The following ADAMTSL1 variants were observed in gnomAD, a reference collection of about 807,000 sequenced individuals.
The protein encoded by ADAMTSL1 is ADAMTS-like protein 1.
Under a neutral mutation model 201.8 loss-of-function variants are expected in ADAMTSL1, and 126 were observed. The ratio of observed to expected loss-of-function variants is 0.62; its 90% CI spans 0.54 to 0.72. ADAMTSL1 has a LOEUF of 0.72. ADAMTSL1 is among the 30% of genes least tolerant of loss of function. The pLI is 0.00. For synonymous variants in ADAMTSL1, 1,121 were observed against 903.4 expected, an observed-to-expected ratio of 1.24 and a Z score of -4.32; for missense variants, 2,679 against 2,277.8, an observed-to-expected ratio of 1.18 and a Z score of -3.59.
chr9:18,536,418 A>C (rs1052169488), intron 3 of ADAMTSL1, among the ~76,000 whole-genome samples: 1 of 149,020 alleles, frequency 6.7e-6, no homozygotes, highest in Non-Finnish European at 1.5e-5. Flanking sequence ...TAATATGAGG[A>C]GTAGAAAACA....
chr9:17,931,927 T>C (rs542337891), intron 1 of ADAMTSL1, among the ~76,000 whole-genome samples: 18 of 152,290 alleles, frequency 1.2e-4, no homozygotes, highest in African/African-American at 3.6e-4. Flanking sequence ...CATCTTCCCC[T>C]GTGTATTTTC....
At chr9:18,851,739 G>C (rs181172539) in intron 23 of ADAMTSL1, among the ~76,000 whole-genome samples, 1 of 152,188 alleles carries the variant, frequency 6.6e-6, no homozygotes, top group African/African-American at 2.4e-5. Flanking sequence ...GAAGGGCCAC[G>C]TGTATAGTGT....
At chr9:18,618,998 A>G (rs1348253436) in intron 4 of ADAMTSL1, among the ~76,000 whole-genome samples, 1 of 152,314 alleles carries the variant, frequency 6.6e-6, no homozygotes, top group East Asian at 1.9e-4. Flanking sequence ...ATACAGCAAT[A>G]AGGCAGTTAC....
chr9:18,338,503 G>T (rs1395409528), intron 2 of ADAMTSL1, among the ~76,000 whole-genome samples: 2 of 152,120 alleles, frequency 1.3e-5, no homozygotes, highest in Admixed American at 1.3e-4. Flanking sequence ...TTAGAGTGTG[G>T]TGGCATAATC....
intron 23 of ADAMTSL1, among the ~76,000 whole-genome samples, chr9:18,844,006 T>C (rs931121680): frequency 1.3e-5 from 2 of 152,244 alleles, no homozygotes; most frequent in Non-Finnish European, 2.9e-5. Flanking sequence ...CGGAGTAGTT[T>C]GATCGTCTGA....
At chr9:18,831,485 G>A (rs1824972246) in intron 23 of ADAMTSL1, among the ~76,000 whole-genome samples, 1 of 152,124 alleles carries the variant, frequency 6.6e-6, no homozygotes, top group African/African-American at 2.4e-5. Flanking sequence ...TTAGCATGCT[G>A]GAAAAGTTAG....
intron 23 of ADAMTSL1, among the ~76,000 whole-genome samples, chr9:18,844,453 G>T (rs574995058): frequency 2.0e-5 from 3 of 152,194 alleles, no homozygotes; most frequent in East Asian, 1.9e-4. Flanking sequence ...CTACTGGGGG[G>T]TGCCTCCCAG....
Position 18,832,467 on chromosome 9 carries a change from A to G in ADAMTSL1, c.4249+2490A>G, listed in dbSNP as rs145937827. ...GGGAACAAATCTTTCGAGGGTTTTT[A>G]AATAGGAGAATGACATACTAAAAGT... On this transcript the variant is annotated intron_variant, in intron 23 of 28. Coordinates refer to ENST00000380548, the MANE Select transcript of ADAMTSL1 (RefSeq NM_001040272.6). Among the ~76,000 whole-genome samples, 7 of 152,344 alleles carry G rather than the reference A, an allele frequency of 4.6e-5. No homozygotes were observed. In the East Asian group the frequency reaches 1.3e-3, roughly 29 times the overall value.
At chr9:18,728,889 C>A (rs926997983) in intron 15 of ADAMTSL1, among the ~76,000 whole-genome samples, 3 of 152,164 alleles carry the variant, frequency 2.0e-5, no homozygotes, top group Non-Finnish European at 4.4e-5. Context: ...GGATATTAGC[C>A]AGGGGTGTGG....
intron 5 of ADAMTSL1, among the ~76,000 whole-genome samples, chr9:18,629,392 G>T (rs1441444131): frequency 6.6e-6 from 1 of 152,050 alleles, no homozygotes; most frequent in East Asian, 1.9e-4. Flanking sequence ...TTTTATAAAT[G>T]CCCTTTATCA....
At chr9:18,602,470 A>T (rs532725552) in intron 4 of ADAMTSL1, among the ~76,000 whole-genome samples, 3 of 152,332 alleles carry the variant, frequency 2.0e-5, no homozygotes, top group African/African-American at 7.2e-5. Context: ...CAGTACCAGC[A>T]CTGGAATCAG....
chr9:18,353,723 C>T (rs2133040374), intron 2 of ADAMTSL1, among the ~76,000 whole-genome samples: 1 of 152,222 alleles, frequency 6.6e-6, no homozygotes, highest in Non-Finnish European at 1.5e-5. Flanking sequence ...ATAGTCATAT[C>T]TTCTGTTTTC....
intron 9 of ADAMTSL1, among the ~76,000 whole-genome samples, chr9:18,671,105 AT>A (rs1015468166): frequency 2.6e-5 from 4 of 152,100 alleles, no homozygotes; most frequent in African/African-American, 4.8e-5. Flanking sequence ...GCAACTATCC[AT>A]TTTTTTTCTT....
At position 18,795,480 on chromosome 9, in the gene ADAMTSL1, A is replaced by G. The variant is rs749728416; in HGVS notation, c.3761A>G (p.Asn1254Ser). The G allele has an allele frequency of 4.3e-5, 70 of 1,613,718 alleles. No homozygotes were observed. Among genetic ancestry groups the G allele is most frequent in the Non-Finnish European group, 3.9e-5 (46 of 1,179,840 alleles). ...GGTTTCTACACTTGCAATGCCACCA[A>G]TGCCTTGGGATACGACTCTGTCTCC... ...DVGFYTCNAT[N>S]ALGYDSVSIA... The change falls in exon 20 of 29, where the codon AAT becomes AGT. Residue 1254 changes from asparagine (N) to serine (S), a missense_variant. By Grantham distance (46) the Asn-to-Ser change is conservative. Transcript: ENST00000380548.
intron 15 of ADAMTSL1, among the ~76,000 whole-genome samples, chr9:18,728,081 A>AAAATAAAT (rs61237330): frequency 8.6e-4 from 124 of 144,074 alleles, no homozygotes; most frequent in East Asian, 2.7e-3. Context: ...CTCTGTCTCA[A>AAAATAAAT]AAATAAATAA....
intron 1 of ADAMTSL1, among the ~76,000 whole-genome samples, chr9:17,926,991 T>C (rs1018260974): frequency 6.6e-6 from 1 of 152,210 alleles, no homozygotes; most frequent in Non-Finnish European, 1.5e-5. Flanking sequence ...CAACCATCAT[T>C]ACCATCCGTC....
At chr9:18,245,336 C>A (rs1831218600) in intron 2 of ADAMTSL1, among the ~76,000 whole-genome samples, 1 of 152,050 alleles carries the variant, frequency 6.6e-6, no homozygotes, top group Non-Finnish European at 1.5e-5. Context: ...AATGGGATAG[C>A]TTATATTCCT....
chr9:18,287,825 A>G (rs1833079466), intron 2 of ADAMTSL1, among the ~76,000 whole-genome samples: 1 of 152,190 alleles, frequency 6.6e-6, no homozygotes, highest in Non-Finnish European at 1.5e-5. Context: ...GAACACTAAT[A>G]TAATCATAGT....
chr9:18,777,858 C>T lies in ADAMTSL1; in HGVS notation c.3629C>T (p.Pro1210Leu), dbSNP rs1451142574. The change falls in exon 19 of 29, where the codon CCT becomes CTT. Residue 1210 changes from proline (P) to leucine (L), a missense_variant. Pro to Leu is a moderately conservative substitution (Grantham distance 98). Transcript: ENST00000380548. ...TGTGAGGCCATCGGCCACCCAAGGCCTACCATCAGCTGGGCCAGGAATGGA... is the reference window on the plus strand; with the variant it reads ...TGTGAGGCCATCGGCCACCCAAGGCTTACCATCAGCTGGGCCAGGAATGGA... The part of the protein sequence containing the change: ...LHCEAIGHPR[P>L]TISWARNGEE... 8 of 1,579,348 alleles carry T rather than the reference C, an allele frequency of 5.1e-6. No individual in the cohort carries two copies. In the Admixed American group the frequency reaches 7.0e-5, roughly 14 times the overall value.
Sources: allele counts gnomAD v4.1 joint callset (sites outside exome capture counted in the v4.1 genomes callset), GRCh38; gene constraint gnomAD v4.1.1; transcripts MANE v1.5; gene names NCBI Gene and HGNC (gene_info 2026-07-23, HGNC 2026-07-21).